LOXHD1: variants seen among roughly 807,000 people sequenced by gnomAD.
The protein encoded by LOXHD1 is lipoxygenase homology domain-containing protein 1.
Under a neutral mutation model 248.2 loss-of-function variants are expected in LOXHD1, and 205 were observed. The observed-to-expected ratio is 0.83, with a 90% confidence interval of 0.74 to 0.93. LOXHD1 has a LOEUF of 0.93. Among genes scored for constraint, LOXHD1 ranks in the 40% least tolerant of loss-of-function variants. LOXHD1 has a pLI of 0.00. For missense variants in LOXHD1, 2,930 were observed against 2,971.6 expected (o/e 0.99, Z 0.33); for synonymous variants, 1,113 against 1,162.8 (o/e 0.96, Z 0.87).
intron 2 of LOXHD1, among the ~76,000 whole-genome samples, chr18:46,643,616 G>C (rs1812616328): frequency 6.6e-6 from 1 of 152,152 alleles, no homozygotes; most frequent in Non-Finnish European, 1.5e-5. Flanking sequence ...CACAGCAGCT[G>C]TCAATAACTT....
At chr18:46,532,410 T>C (rs1375820150) in intron 28 of LOXHD1, among the ~76,000 whole-genome samples, 1 of 152,182 alleles carries the variant, frequency 6.6e-6, no homozygotes, top group Admixed American at 6.5e-5. Context: ...TGTGTCTGTA[T>C]GTGTACACAT....
chr18:46,537,089 C>T (rs2036345741), intron 26 of LOXHD1, among the ~76,000 whole-genome samples: 2 of 152,246 alleles, frequency 1.3e-5, no homozygotes, highest in Non-Finnish European at 1.5e-5. Flanking sequence ...CTAGGAATGC[C>T]TTTCCTCCTT....
chr18:46,537,607 C>T (rs1361710074), intron 26 of LOXHD1, among the ~76,000 whole-genome samples: 2 of 152,188 alleles, frequency 1.3e-5, no homozygotes, highest in African/African-American at 4.8e-5. Flanking sequence ...TATATGGATT[C>T]CAAGGCATTA....
intron 4 of LOXHD1, among the ~76,000 whole-genome samples, chr18:46,625,127 C>G (rs1200838027): frequency 6.6e-6 from 1 of 152,190 alleles, no homozygotes; most frequent in Non-Finnish European, 1.5e-5. Flanking sequence ...GGCATCTGAA[C>G]AAGAAGGTTC....
intron 2 of LOXHD1, 21 bp downstream of exon 2, chr18:46,649,134 C>G: frequency 6.5e-7 from 1 of 1,546,736 alleles, no homozygotes; most frequent in South Asian, 1.2e-5. Context: ...AGGATCCCAC[C>G]AAGGCCAAGT....
chr18:46,477,551 G>A lies in LOXHD1; in HGVS notation c.6743C>T (p.Thr2248Ile), dbSNP rs779935366. 12 of 1,551,534 alleles carry A rather than the reference G, an allele frequency of 7.7e-6. No individual in the cohort carries two copies. In the South Asian group the frequency reaches 1.2e-4, roughly 15 times the overall value. The change falls in exon 41 of 41, where the codon ACC becomes ATC. Residue 2248 changes from threonine to isoleucine, a missense_variant. Thr to Ile is a moderately conservative substitution (Grantham distance 89). Transcript: ENST00000642948. ...EVTNTSTGVA[T>I]IFNCGRWLDK... is the part of the protein sequence containing the mutation. The stretch of plus-strand genomic sequence containing the variant: ...CAGCCACCTGCCACAGTTGAAGATG[G>A]TGGCCACGCCGGTGCTGGTGTTGGT...
intron 34 of LOXHD1, among the ~76,000 whole-genome samples, chr18:46,516,648 AATCATC>A (rs1049476439): frequency 6.7e-6 from 1 of 150,160 alleles, no homozygotes; most frequent in South Asian, 2.1e-4. Flanking sequence ...CCACCATCAT[AATCATC>A]ATCATCATCA....
At position 46,560,401 on chromosome 18, in the gene LOXHD1, G is replaced by A. The variant is rs766698872; in HGVS notation, c.2743C>T (p.Arg915Trp). The change falls in exon 19 of 41, where the codon CGG (arginine) becomes TGG (tryptophan). Residue 915 changes from arginine to tryptophan, a missense_variant. Arg to Trp is a moderately radical substitution (Grantham distance 101, BLOSUM62 -3). Transcript: ENST00000642948. ...AGCTTGTCCTTCTCCTTCTTCTTCC[G>A]GGCCTCCTCCTCCGGCGTGAGGTCC... Reference protein sequence around the residue: ...EVDLTPEEEARKKKEKDKLRQ... With the variant: ...EVDLTPEEEAWKKKEKDKLRQ... 1.9e-5 allele frequency: 30 copies of A among 1,550,520 alleles called. No individual in the cohort carries two copies. The South Asian group carries it at 2.7e-4, about 14-fold the overall frequency.
intron 38 of LOXHD1, among the ~76,000 whole-genome samples, 182 bp downstream of exon 38, chr18:46,488,790 G>A (rs879707478): frequency 5.3e-5 from 8 of 152,324 alleles, no homozygotes; most frequent in Admixed American, 4.6e-4. Context: ...TGAGCCATGA[G>A]CTGGCATCAG....
chr18:46,627,644 G>C (rs929939570), intron 4 of LOXHD1, among the ~76,000 whole-genome samples: 1 of 151,384 alleles, frequency 6.6e-6, no homozygotes, highest in African/African-American at 2.4e-5. Context: ...GGCTGGTGGT[G>C]GTTCTGGGAG....
chr18:46,615,377 T>A (rs2038571361), intron 5 of LOXHD1, among the ~76,000 whole-genome samples: 1 of 152,236 alleles, frequency 6.6e-6, no homozygotes, highest in African/African-American at 2.4e-5. Context: ...TAGTTGCTAT[T>A]GCTACTGTGT....
intron 4 of LOXHD1, among the ~76,000 whole-genome samples, chr18:46,632,932 C>T (rs781737084): frequency 1.7e-4 from 26 of 152,130 alleles, no homozygotes; most frequent in Admixed American, 2.6e-4. Context: ...AAGACTGGGG[C>T]GCCCACTCCT....
At position 46,557,450 on chromosome 18, in the gene LOXHD1, G is replaced by C; in HGVS notation, c.3256C>G (p.Leu1086Val). The C allele has an allele frequency of 6.4e-7, 1 of 1,552,076 alleles. No individual in the cohort carries two copies. Among genetic ancestry groups the C allele is most frequent in the Non-Finnish European group, 8.7e-7 (1 of 1,147,102 alleles). ...TCGTGGCGAATCCGAATCTTGGTCA[G>C]GGCCCCCAGGTCAATGGCATAGATG... ...FTIYAIDLGA[L>V]TKIRIRHDNT... Residue 1086 changes from leucine to valine, a missense_variant, in exon 21 of 41, where the codon CTG (leucine) becomes GTG (valine). Transcript: ENST00000642948.
In LOXHD1 at chr18:46,569,558, C is replaced by T. The variant is rs1018166105; in HGVS notation, c.2128G>A (p.Gly710Arg). 6.4e-7 allele frequency: 1 copy of T among 1,551,668 alleles called. No individual in the cohort carries two copies. The highest frequency in any genetic ancestry group is 8.7e-7 in the Non-Finnish European group (1 of 1,147,018). ...TDSRVYIKLY[G>R]DKSDTIKQVL... ...TGCTTGATGGTGTCAGATTTATCCC[C>T]ATAGAGCTTGATGTAGACTCTAGAA... Residue 710 changes from glycine (G) to arginine (R), a missense_variant, in exon 16 of 41, where the codon GGG becomes AGG. Physicochemically the swap from Gly to Arg is moderately radical, Grantham distance 125. Transcript: ENST00000642948.
intron 37 of LOXHD1, among the ~76,000 whole-genome samples, chr18:46,503,716 C>T (rs1223471082): frequency 6.6e-6 from 1 of 152,222 alleles, no homozygotes; most frequent in African/African-American, 2.4e-5. Flanking sequence ...CATAATGCCA[C>T]TTGAATGATC....
intron 36 of LOXHD1, among the ~76,000 whole-genome samples, chr18:46,506,339 G>A (rs1422741361): frequency 6.6e-6 from 1 of 152,154 alleles, no homozygotes; most frequent in African/African-American, 2.4e-5. Context: ...TGTCATATAG[G>A]CTGGCTTTAC....
chr18:46,571,289 G>T (rs2037747453), intron 15 of LOXHD1, among the ~76,000 whole-genome samples: 1 of 151,906 alleles, frequency 6.6e-6, no homozygotes, highest in Non-Finnish European at 1.5e-5. Context: ...ACAACATAAA[G>T]AGACCCCATC....
At chr18:46,568,240 G>A (rs959241796) in intron 16 of LOXHD1, among the ~76,000 whole-genome samples, 1 of 152,086 alleles carries the variant, frequency 6.6e-6, no homozygotes, top group Non-Finnish European at 1.5e-5. Flanking sequence ...TTTCCACCAA[G>A]CCACACCCTG....
At chr18:46,483,866 G>A (rs963963295) in intron 39 of LOXHD1, 121 bp from the exon 40 acceptor site, 1 of 1,184,512 alleles carries the variant, frequency 8.4e-7, no homozygotes, top group African/African-American at 1.5e-5. Flanking sequence ...ATGGCAAGCA[G>A]GAGCTCATGG....
Sources: allele counts gnomAD v4.1 joint callset (sites outside exome capture counted in the v4.1 genomes callset), GRCh38; gene constraint gnomAD v4.1.1; transcripts MANE v1.5; gene names NCBI Gene and HGNC (gene_info 2026-07-23, HGNC 2026-07-21).